MAP7D3: variants seen among roughly 807,000 people sequenced by gnomAD.
MAP7D3 encodes MAP7 domain containing 3.
MAP7D3 carries 45 observed loss-of-function variants against 62.2 expected under a neutral mutation model. That is an observed-to-expected ratio of 0.72 (90% CI 0.57 to 0.93). The LOEUF (loss-of-function observed/expected upper bound fraction) is 0.93. Ranked by LOEUF, MAP7D3 falls within the 40% of genes least tolerant of loss-of-function variation. The pLI is 0.00. For missense variants in MAP7D3, 711 were observed against 683.1 expected (o/e 1.04, Z -0.45); for synonymous variants, 288 against 248.8 (o/e 1.16, Z -1.48).
rs941918355 is a variant in MAP7D3 at position 136,244,873 on chromosome X, G to A, written c.254-78C>T. On this transcript the variant is annotated intron_variant, in intron 3 of 18. Transcript: ENST00000316077. ...GTTTTCCACATTACACACACAGAAG[G>A]AAAAAGTTAACACATCTCATTCACT... The A allele has an allele frequency of 4.1e-6, 3 of 728,856 alleles. No individual in the cohort carries two copies. The South Asian group carries it at 8.3e-5, about 20-fold the overall frequency. 60.1% of individuals were successfully genotyped at this position (728,856 alleles called of 1,213,427 possible). A position where few individuals can be genotyped will look rare whatever the true frequency, so the allele number is the denominator to read the frequency against.
chrX:136,247,836 T>C (rs2074465503), intron 1 of MAP7D3, among the ~76,000 whole-genome samples: 1 of 112,035 alleles, frequency 8.9e-6, no homozygotes, highest in Non-Finnish European at 1.9e-5. Flanking sequence ...GTACTTGTAG[T>C]ATTGTTTTTA....
At chrX:136,251,138 G>A in intron 1 of MAP7D3, 151 bp downstream of exon 1, 1 of 428,564 alleles carries the variant, frequency 2.3e-6, no homozygotes, top group East Asian at 4.9e-5. Flanking sequence ...AGGGCACTCC[G>A]GCGGGGGTGA....
intron 8 of MAP7D3, chrX:136,231,179 A>G: frequency 2.9e-6 from 1 of 342,292 alleles, no homozygotes; most frequent in Non-Finnish European, 5.0e-6. Flanking sequence ...GATCACAGAA[A>G]TAACAGGTTT....
Position 136,251,354 on chromosome X carries a change from A to G in MAP7D3, c.5T>C (p.Met2Thr), listed in dbSNP as rs1371714616. The G allele has an allele frequency of 1.8e-6, 2 of 1,114,770 alleles. No individual in the cohort carries two copies. Among genetic ancestry groups the G allele is most frequent in the Non-Finnish European group, 2.3e-6 (2 of 852,757 alleles). The allele number at this position is 1,114,770 out of a possible 1,213,427, so 91.9% of individuals were successfully genotyped here. Residue 2 changes from methionine to threonine, a missense_variant, in exon 1 of 19, where the codon ATG becomes ACG. Transcript: ENST00000316077. Reference protein sequence around the residue: MMADGAAAGAGG... With the variant: MTADGAAAGAGG... Reference sequence around the variant, plus strand: ...AGCGCCAGCTGCGGCGCCGTCCGCCATCATCGGAGTCGGGACCGGAGGCGG... The same window carrying G: ...AGCGCCAGCTGCGGCGCCGTCCGCCGTCATCGGAGTCGGGACCGGAGGCGG...
At chrX:136,249,098 G>C (rs1199914137) in intron 1 of MAP7D3, among the ~76,000 whole-genome samples, 3 of 111,712 alleles carry the variant, frequency 2.7e-5, no homozygotes, top group Non-Finnish European at 5.6e-5. Flanking sequence ...CTACCATTTA[G>C]AGCTGTCTAC....
At chrX:136,251,479 GGGGCC>G (rs2148427265), upstream of MAP7D3, 1 of 660,165 alleles carries the variant, frequency 1.5e-6, no homozygotes, top group African/African-American at 2.7e-5. Context: ...GGGGCGGGGC[GGGGCC>G]CGAAGGGCCA....
chrX:136,256,311 G>T, upstream of MAP7D3: 1 of 1,154,750 alleles, frequency 8.7e-7, no homozygotes, highest in Non-Finnish European at 1.1e-6. Flanking sequence ...TACCTCGGGG[G>T]CTGGTCATGT....
intron 14 of MAP7D3, among the ~76,000 whole-genome samples, chrX:136,224,052 CAAA>C (rs59789059): frequency 9.4e-4 from 10 of 10,679 alleles, no homozygotes; most frequent in African/African-American, 3.0e-3. Flanking sequence ...ACTCTTATCT[CAAA>C]AAAAAAAAAA....
chrX:136,236,486 C>A, intron 6 of MAP7D3, 147 bp from the exon 7 acceptor site: 1 of 311,105 alleles, frequency 3.2e-6, no homozygotes, highest in Non-Finnish European at 5.6e-6. Context: ...TCTATATCCC[C>A]AAGCTTAAAA....
At chrX:136,249,028 A>C (rs1569532419) in intron 1 of MAP7D3, among the ~76,000 whole-genome samples, 1 of 112,419 alleles carries the variant, frequency 8.9e-6, no homozygotes, top group Admixed American at 9.5e-5. Flanking sequence ...AGACTTTCAG[A>C]AGACCTCCAA....
At chrX:136,236,209 T>A (rs2074327478) in intron 7 of MAP7D3, 35 bp downstream of exon 7, 1 of 877,530 alleles carries the variant, frequency 1.1e-6, no homozygotes, top group Non-Finnish European at 1.6e-6. Context: ...CTCTTTTAAA[T>A]CACTATTTAA....
chrX:136,224,969 G>A, intron 13 of MAP7D3, 89 bp from the exon 14 acceptor site: 3 of 602,873 alleles, frequency 5.0e-6, no homozygotes, highest in Non-Finnish European at 5.3e-6. Context: ...CCATTTCACA[G>A]AGGTGCACAA....
At chrX:136,250,952 C>T (rs1447178041) in intron 1 of MAP7D3, among the ~76,000 whole-genome samples, 3 of 111,390 alleles carry the variant, frequency 2.7e-5, no homozygotes. Context: ...CCGCGGGGTC[C>T]GGCTTCCAGC....
At chrX:136,249,873 G>A (rs977227700) in intron 1 of MAP7D3, among the ~76,000 whole-genome samples, 1 of 112,347 alleles carries the variant, frequency 8.9e-6, no homozygotes, top group African/African-American at 3.2e-5. Context: ...ACTTTTACAT[G>A]GCTCTTAAGT....
chrX:136,230,113 G>A (rs1261317194), intron 10 of MAP7D3, among the ~76,000 whole-genome samples: 1 of 106,153 alleles, frequency 9.4e-6, no homozygotes, highest in African/African-American at 3.4e-5. Context: ...TTATAGGCGT[G>A]AGCTACCATG....
At position 136,228,714 on chromosome X, in the gene MAP7D3, C is replaced by T; in HGVS notation, c.1795G>A (p.Ala599Thr). 2 of 1,204,846 alleles carry T rather than the reference C, an allele frequency of 1.7e-6. No individual in the cohort carries two copies. Among genetic ancestry groups the T allele is most frequent in the Non-Finnish European group, 2.2e-6 (2 of 890,607 alleles). The change falls in exon 11 of 19, where the codon GCA (alanine) becomes ACA (threonine). Residue 599 changes from alanine to threonine, a missense_variant. Transcript: ENST00000316077. ...CGCAATTCTGTCAAAATTTTTGTTG[C>T]CGCCTCGGCATTCATAATACCTGCA... is the stretch of plus-strand genomic sequence containing the variant. Reference protein sequence around the residue: ...STAGIMNAEAATKILTELRRL... With the variant: ...STAGIMNAEATTKILTELRRL...
intron 7 of MAP7D3, among the ~76,000 whole-genome samples, chrX:136,233,444 T>C (rs748647716): frequency 1.9e-5 from 2 of 107,221 alleles, no homozygotes; most frequent in South Asian, 4.2e-4. Flanking sequence ...CCGGAAAATT[T>C]TGTATTTTTA....
At chrX:136,220,516 A>T (rs2074114052) in intron 16 of MAP7D3, among the ~76,000 whole-genome samples, 1 of 112,332 alleles carries the variant, frequency 8.9e-6, no homozygotes, top group South Asian at 3.7e-4. Flanking sequence ...CTGCCCTTTA[A>T]TAGCAGGATA....
intron 14 of MAP7D3, among the ~76,000 whole-genome samples, chrX:136,222,986 A>T (rs866175101): frequency 9.0e-6 from 1 of 110,820 alleles, no homozygotes; most frequent in Non-Finnish European, 1.9e-5. Context: ...GACTATAGGC[A>T]TGTGCCAACA....
Sources: gnomAD v4.1 joint callset for allele counts (sites outside exome capture counted in the v4.1 genomes callset) on GRCh38, gnomAD v4.1.1 for gene constraint, MANE v1.5 for transcripts, NCBI Gene and HGNC (gene_info 2026-07-23, HGNC 2026-07-21) for gene names.